LARP1: variants seen among roughly 807,000 people sequenced by gnomAD.
The protein encoded by LARP1 is La ribonucleoprotein 1, translational regulator.
Under a neutral mutation model 122.7 loss-of-function variants are expected in LARP1, and 36 were observed. The ratio of observed to expected loss-of-function variants is 0.29; its 90% confidence interval spans 0.22 to 0.39. The LOEUF (loss-of-function observed/expected upper bound fraction) is 0.39. Among genes scored for constraint, LARP1 ranks in the 10% least tolerant of loss-of-function variants. LARP1 has a pLI of 1.00. For synonymous variants in LARP1, 539 were observed against 528.7 expected, an observed-to-expected ratio of 1.02 and a Z score of -0.27; for missense variants, 1,040 against 1,403.6, an observed-to-expected ratio of 0.74 and a Z score of 4.14.
intron 1 of LARP1, among the ~76,000 whole-genome samples, chr5:154,707,154 C>T (rs1754989502): frequency 1.3e-5 from 2 of 152,076 alleles, no homozygotes; most frequent in African/African-American, 4.8e-5. Context: ...AGCAGTGACT[C>T]GAGCCTGCAA....
chr5:154,706,643 C>T (rs1426127907), intron 1 of LARP1, among the ~76,000 whole-genome samples: 2 of 151,524 alleles, frequency 1.3e-5, no homozygotes, highest in African/African-American at 4.8e-5. Context: ...ATAATCTGTA[C>T]ACCAAATCCC....
chr5:154,713,109 C>G lies in LARP1; in HGVS notation c.184C>G (p.Leu62Val), dbSNP rs1356203779. Residue 62 changes from leucine to valine, a missense_variant, in exon 1 of 19, where the codon CTG (leucine) becomes GTG (valine). By Grantham distance (32) the Leu-to-Val change is conservative. Coordinates refer to the LARP1 transcript ENST00000336314. ...GGAGAAGCCATTGCCATTCCCTGTC[C>G]TGGCCCCCTTCAGCAACCCTGGTGA... 1.2e-6 allele frequency: 2 copies of G among 1,613,800 alleles called. No homozygotes were observed. The highest frequency in any genetic ancestry group is 4.5e-5 in the East Asian group (2 of 44,884).
intron 1 of LARP1, among the ~76,000 whole-genome samples, chr5:154,749,662 G>A (rs1044143554): frequency 9.9e-5 from 15 of 152,174 alleles, no homozygotes; most frequent in Non-Finnish European, 2.9e-5. Context: ...ACACTCCTCA[G>A]CTGGCACTGT....
intron 1 of LARP1, among the ~76,000 whole-genome samples, chr5:154,689,939 C>T (rs1422498333): frequency 6.6e-6 from 1 of 152,018 alleles, no homozygotes; most frequent in Non-Finnish European, 1.5e-5. Flanking sequence ...ATTAGCTGGG[C>T]GTGGTGGCAC....
rs753733148 is a variant in LARP1 at position 154,802,112 on chromosome 5, C to G, written c.1822C>G (p.Leu608Val). The G allele has an allele frequency of 2.5e-6, 4 of 1,614,222 alleles. No homozygotes were observed. The highest frequency in any genetic ancestry group is 3.4e-6 in the Non-Finnish European group (4 of 1,180,048). The change falls in exon 11 of 19, where the codon CTG becomes GTG. Residue 608 changes from leucine (L) to valine (V), a missense_variant. By Grantham distance (32) the Leu-to-Val change is conservative. Around this residue, in one of 8 missense-constraint regions of LARP1, gnomAD observed 362 missense variants for 533.1 expected, o/e 0.68. Coordinates refer to ENST00000518297, the MANE Select transcript of LARP1 (RefSeq NM_033551.3). This position sits in a 1 kb window ranked among gnomAD's most constrained non-coding sequence, Gnocchi z 5.1. ...GGATGAGCAAGAGGAACTGGATTTT[C>G]TGTTTGACGAGGAGATGGAGCAGAT... ...DQDEQEELDF[L>V]FDEEMEQMDG...
chr5:154,729,571 A>C (rs775767410), intron 1 of LARP1: 108 of 439,714 alleles, frequency 2.5e-4, no homozygotes, highest in Non-Finnish European at 3.9e-4. Context: ...AAAAGAAGAA[A>C]GCCAAAGAGA....
intron 1 of LARP1, among the ~76,000 whole-genome samples, chr5:154,788,210 C>A (rs563146156): frequency 1.3e-5 from 2 of 152,304 alleles, no homozygotes; most frequent in South Asian, 2.1e-4. Context: ...CCAGGCTAAC[C>A]CAGGAGTCCC....
chr5:154,752,488 C>T (rs1753553803), upstream of LARP1, among the ~76,000 whole-genome samples: 1 of 152,008 alleles, frequency 6.6e-6, no homozygotes. Flanking sequence ...GGTGATCTGC[C>T]TGCCTCAGCC....
At chr5:154,789,427 G>A (rs909540396) in intron 1 of LARP1, among the ~76,000 whole-genome samples, 1 of 151,756 alleles carries the variant, frequency 6.6e-6, no homozygotes, top group African/African-American at 2.4e-5. Context: ...CGCCATGTTG[G>A]CCAGGCTGGT....
intron 1 of LARP1, among the ~76,000 whole-genome samples, chr5:154,739,038 C>T (rs577221146): frequency 3.3e-5 from 5 of 152,274 alleles, no homozygotes; most frequent in Admixed American, 6.5e-5. Context: ...TTGTTTGAGA[C>T]AGAGTCTTGC....
intron 18 of LARP1, among the ~76,000 whole-genome samples, chr5:154,812,987 C>T (rs544672390): frequency 1.3e-5 from 2 of 152,084 alleles, no homozygotes; most frequent in South Asian, 4.1e-4. Flanking sequence ...GAGACACAGC[C>T]AAATCATCAC....
intron 1 of LARP1, among the ~76,000 whole-genome samples, chr5:154,757,649 G>T (rs1468681302): frequency 6.6e-6 from 1 of 152,158 alleles, no homozygotes; most frequent in African/African-American, 2.4e-5. Context: ...TAGAAGCACT[G>T]CTAGTCCTAG....
intron 1 of LARP1, among the ~76,000 whole-genome samples, chr5:154,779,820 C>T (rs1214616009): frequency 6.6e-6 from 1 of 152,076 alleles, no homozygotes; most frequent in Admixed American, 6.6e-5. Context: ...CCTCTACATT[C>T]TCTAAAGGGG....
chr5:154,814,926 C>T lies in LARP1; in HGVS notation c.*830C>T, dbSNP rs2113078117. On this transcript the variant is annotated 3_prime_UTR_variant, in exon 19 of 19. Transcript: ENST00000518297. ...AAAAAAAAAAAAAAATCAGAAAACC[C>T]CCACCTAATCCACAGAAAGTAATGT... 1 of 152,278 alleles carries T rather than the reference C, an allele frequency of 6.6e-6. No homozygotes were observed. Among genetic ancestry groups the T allele is most frequent in the East Asian group, 1.9e-4 (1 of 5,180 alleles). The allele number at this position is 152,278 out of a possible 1,614,324, so 9.4% of individuals were successfully genotyped here. A position where few individuals can be genotyped will look rare whatever the true frequency, so the allele number is the denominator to read the frequency against.
At chr5:154,743,916 G>A (rs149859532) in intron 1 of LARP1, among the ~76,000 whole-genome samples, 12 of 152,286 alleles carry the variant, frequency 7.9e-5, no homozygotes, top group Admixed American at 4.6e-4. Flanking sequence ...CACCACACCC[G>A]GCCAGGGCTA....
chr5:154,781,831 T>C (rs1056647250), intron 1 of LARP1, among the ~76,000 whole-genome samples: 10 of 152,192 alleles, frequency 6.6e-5, no homozygotes, highest in African/African-American at 1.9e-4. Context: ...AATTCTTCCA[T>C]TGTGGCTCAG....
intron 7 of LARP1, 108 bp from the exon 8 acceptor site, chr5:154,795,067 G>A: frequency 9.4e-7 from 1 of 1,062,112 alleles, no homozygotes; most frequent in South Asian, 1.4e-5. Context: ...GATGGGGTAG[G>A]TCAGAGGCTG....
intron 1 of LARP1, among the ~76,000 whole-genome samples, chr5:154,735,013 T>C (rs1756795624): frequency 6.6e-6 from 1 of 152,222 alleles, no homozygotes; most frequent in South Asian, 2.1e-4. Context: ...CCTTCCTTTT[T>C]AAAGCTGAAT....
At chr5:154,773,199 G>C (rs893331221) in intron 1 of LARP1, among the ~76,000 whole-genome samples, 1 of 151,996 alleles carries the variant, frequency 6.6e-6, no homozygotes, top group Non-Finnish European at 1.5e-5. Flanking sequence ...ATCTTATACT[G>C]TACTCACGTA....
Sources: gnomAD v4.1 joint callset for allele counts (sites outside exome capture counted in the v4.1 genomes callset) on GRCh38, gnomAD v4.1.1 for gene constraint, gnomAD v4.1.1 regional missense constraint, Gnocchi (gnomAD v3.1) non-coding constraint, MANE v1.5 for transcripts, NCBI Gene and HGNC (gene_info 2026-07-23, HGNC 2026-07-21) for gene names.